XYLT1: variants seen among roughly 807,000 people sequenced by gnomAD.
XYLT1 encodes xylosyltransferase 1, also known as beta-D-xylosyltransferase 1.
In XYLT1, 36 loss-of-function variants were observed where a neutral mutation model predicts 91.3. The observed-to-expected ratio is 0.39, with a 90% confidence interval of 0.30 to 0.52. The LOEUF (loss-of-function observed/expected upper bound fraction) is 0.52. Ranked by LOEUF, XYLT1 falls within the 20% of genes least tolerant of loss-of-function variation. The pLI, the probability that XYLT1 is intolerant of heterozygous loss-of-function variation, is 0.68. For missense variants in XYLT1, 1,242 were observed against 1,284.5 expected, an observed-to-expected ratio of 0.97 and a Z score of 0.51; for synonymous variants, 588 against 532.0, an observed-to-expected ratio of 1.11 and a Z score of -1.45.
intron 10 of XYLT1, among the ~76,000 whole-genome samples, chr16:17,122,359 A>G (rs2030093725): frequency 6.6e-6 from 1 of 152,086 alleles, no homozygotes; most frequent in Non-Finnish European, 1.5e-5. Flanking sequence ...GATGTTGAGC[A>G]TTTTTTCATA....
intron 2 of XYLT1, among the ~76,000 whole-genome samples, chr16:17,276,737 T>C (rs1271952387): frequency 6.6e-6 from 1 of 152,056 alleles, no homozygotes; most frequent in East Asian, 1.9e-4. Context: ...TCCGATGAAG[T>C]TGTTATAAAT....
At chr16:17,219,816 G>T (rs1334689678) in intron 3 of XYLT1, among the ~76,000 whole-genome samples, 1 of 152,084 alleles carries the variant, frequency 6.6e-6, no homozygotes, top group African/African-American at 2.4e-5. Context: ...ATCATTTGAG[G>T]TCAGGAGTTC....
intron 2 of XYLT1, among the ~76,000 whole-genome samples, chr16:17,282,789 G>A (rs2034076999): frequency 6.6e-6 from 1 of 152,224 alleles, no homozygotes; most frequent in Admixed American, 6.5e-5. Flanking sequence ...TGGGGTGTGT[G>A]TATGAATATT....
At chr16:17,184,228 T>C (rs2032132633) in intron 5 of XYLT1, among the ~76,000 whole-genome samples, 1 of 130,584 alleles carries the variant, frequency 7.7e-6, no homozygotes, top group Non-Finnish European at 1.5e-5. Flanking sequence ...AAATGCTCAA[T>C]GCACTGGGCA....
At chr16:17,420,872 T>C (rs1193452420) in intron 1 of XYLT1, among the ~76,000 whole-genome samples, 3 of 152,178 alleles carry the variant, frequency 2.0e-5, no homozygotes, top group Non-Finnish European at 2.9e-5. Context: ...ACTGAATCTT[T>C]GTTGCTGGAC....
Position 17,164,038 on chromosome 16 carries a change from CAAAAAAAAAAAAAAAAA to C in XYLT1, c.1290-5146_1290-5130del, listed in dbSNP as rs57343034. 1.0e-3 allele frequency among the ~76,000 whole-genome samples: 45 copies of C among 44,424 alleles called. 2 individuals carry two copies. Among genetic ancestry groups the C allele is most frequent in the African/African-American group, 1.8e-3 (24 of 13,318 alleles). The allele number at this position is 44,424 out of a possible 152,430, so 29.1% of individuals were successfully genotyped here. On this transcript the variant is annotated intron_variant, in intron 5 of 11. Coordinates refer to ENST00000261381, the MANE Select transcript of XYLT1 (RefSeq NM_022166.4). Reference sequence around the variant, plus strand: ...GGAAAACAAGAGCGAAACTCTGTCTCAAAAAAAAAAAAAAAAAAAAAAAAAAAAAAAGAAAGACTATG... The same window carrying C: ...GGAAAACAAGAGCGAAACTCTGTCTCAAAAAAAAAAAAAAGAAAGACTATG...
intron 2 of XYLT1, among the ~76,000 whole-genome samples, chr16:17,342,683 T>C (rs530367480): frequency 2.6e-5 from 4 of 152,076 alleles, no homozygotes; most frequent in East Asian, 1.9e-4. Context: ...GATCGCACCA[T>C]TGCACTCCAG....
chr16:17,420,548 C>A (rs925999331), intron 1 of XYLT1, among the ~76,000 whole-genome samples: 1 of 152,058 alleles, frequency 6.6e-6, no homozygotes, highest in Non-Finnish European at 1.5e-5. Flanking sequence ...CGGTTGCTAT[C>A]CAAGGCTTCT....
At chr16:17,272,034 C>T (rs116424613) in intron 2 of XYLT1, among the ~76,000 whole-genome samples, 110 of 151,258 alleles carry the variant, frequency 7.3e-4, no homozygotes, top group African/African-American at 2.5e-3. Flanking sequence ...ATGAGGAAAG[C>T]GGGAGAAGTT....
chr16:17,259,643 T>C, intron 2 of XYLT1, 145 bp from the exon 3 acceptor site: 1 of 963,230 alleles, frequency 1.0e-6, no homozygotes, highest in South Asian at 1.7e-5. Context: ...TAACCTCTGG[T>C]AAGATGGCTC....
chr16:17,334,688 C>T (rs1438844754), intron 2 of XYLT1, among the ~76,000 whole-genome samples: 1 of 152,082 alleles, frequency 6.6e-6, no homozygotes, highest in African/African-American at 2.4e-5. Context: ...CTACTATTAT[C>T]CTGGCTAACA....
intron 10 of XYLT1, among the ~76,000 whole-genome samples, chr16:17,123,816 C>T (rs1325318064): frequency 3.3e-5 from 5 of 152,008 alleles, no homozygotes; most frequent in Non-Finnish European, 7.4e-5. Flanking sequence ...TTTGGGAGCC[C>T]CAGTGTTAGT....
intron 1 of XYLT1, 117 bp from the exon 2 acceptor site, chr16:17,358,167 T>C: frequency 9.4e-7 from 1 of 1,066,092 alleles, no homozygotes; most frequent in South Asian, 1.6e-5. Context: ...TCTCGCTTTG[T>C]TGCCCAGGCT....
intron 5 of XYLT1, among the ~76,000 whole-genome samples, chr16:17,174,834 G>A (rs569135917): frequency 1.3e-5 from 2 of 152,116 alleles, no homozygotes; most frequent in African/African-American, 4.8e-5. Context: ...GCACTGGTGC[G>A]ATCTCCGCTC....
At chr16:17,324,381 C>G (rs1015708787) in intron 2 of XYLT1, among the ~76,000 whole-genome samples, 1 of 152,180 alleles carries the variant, frequency 6.6e-6, no homozygotes, top group African/African-American at 2.4e-5. Flanking sequence ...GCGCCTGTCC[C>G]TTTGCAGTGG....
intron 1 of XYLT1, among the ~76,000 whole-genome samples, chr16:17,379,085 G>A (rs1390328640): frequency 2.0e-5 from 3 of 152,074 alleles, no homozygotes; most frequent in Non-Finnish European, 4.4e-5. Flanking sequence ...AAAGGAAAAG[G>A]CAGGAAAAAA....
chr16:17,383,306 A>C (rs185768690), intron 1 of XYLT1, among the ~76,000 whole-genome samples: 12 of 151,952 alleles, frequency 7.9e-5, no homozygotes, highest in African/African-American at 2.9e-4. Context: ...TATCCTTCCC[A>C]ATTCAAGACG....
chr16:17,109,791 G>A (rs1567275499), intron 11 of XYLT1, among the ~76,000 whole-genome samples: 2 of 152,306 alleles, frequency 1.3e-5, no homozygotes, highest in East Asian at 3.9e-4. Context: ...GTTGGAGAGT[G>A]ACAGTGACCT....
At chr16:17,434,436 G>A (rs1300153938) in intron 1 of XYLT1, among the ~76,000 whole-genome samples, 2 of 152,232 alleles carry the variant, frequency 1.3e-5, no homozygotes, top group Non-Finnish European at 2.9e-5. Flanking sequence ...ATGCAATGAT[G>A]AAGATGCATT....
Sources: allele counts gnomAD v4.1 joint callset (sites outside exome capture counted in the v4.1 genomes callset), GRCh38; gene constraint gnomAD v4.1.1; transcripts MANE v1.5; gene names NCBI Gene and HGNC (gene_info 2026-07-23, HGNC 2026-07-21).